GSAP: variants seen among roughly 807,000 people sequenced by gnomAD.
The protein encoded by GSAP is gamma-secretase-activating protein.
In GSAP, 118 loss-of-function variants were observed where a neutral mutation model predicts 131.7. The observed-to-expected ratio is 0.90, with a 90% CI of 0.77 to 1.04. GSAP has a LOEUF of 1.04. Ranked by LOEUF, GSAP falls within the 50% of genes least tolerant of loss-of-function variation. GSAP has a pLI of 0.00. For synonymous variants in GSAP, 381 were observed against 363.4 expected (o/e 1.05, Z -0.55); for missense variants, 1,019 against 1,013.2 (o/e 1.01, Z -0.08).
chr7:77,407,067 G>A (rs939276149), intron 1 of GSAP, among the ~76,000 whole-genome samples: 2 of 152,120 alleles, frequency 1.3e-5, no homozygotes, highest in Non-Finnish European at 1.5e-5. Flanking sequence ...GGGACTACAG[G>A]GCATTGACCA....
At chr7:77,358,095 C>G (rs1794016188) in intron 14 of GSAP, among the ~76,000 whole-genome samples, 1 of 152,142 alleles carries the variant, frequency 6.6e-6, no homozygotes, top group Admixed American at 6.5e-5. Flanking sequence ...AATCCCAGCA[C>G]TTTGGGAGGC....
At chr7:77,415,889 C>A in intron 1 of GSAP, 1 of 275,138 alleles carries the variant, frequency 3.6e-6, no homozygotes, top group Non-Finnish European at 6.9e-6. Context: ...TGAGCACGAC[C>A]CTCTGCCCTC....
intron 13 of GSAP, among the ~76,000 whole-genome samples, chr7:77,362,019 C>T (rs1468401562): frequency 2.0e-5 from 3 of 152,238 alleles, no homozygotes; most frequent in South Asian, 4.2e-4. Flanking sequence ...TGGATAAATA[C>T]CTTCCTTAGG....
chr7:77,396,974 T>A lies in GSAP; in HGVS notation c.367+8A>T. On this transcript the variant is annotated splice_region_variant and intron_variant, in intron 5 of 30. Transcript: ENST00000257626. ...ACCCATAGGTACTAAAAAGTGTAAT[T>A]TCATTACCTGGTTGAAGTTCGTTCC... The A allele has an allele frequency of 6.4e-7, 1 of 1,561,744 alleles. No individual in the cohort carries two copies. Among genetic ancestry groups the A allele is most frequent in the Non-Finnish European group, 8.8e-7 (1 of 1,136,548 alleles).
rs761461146 is a variant in GSAP at position 77,355,538 on chromosome 7, A to G, written c.1120+17T>C. On this transcript the variant is annotated intron_variant, in intron 15 of 30. Coordinates refer to ENST00000257626, the MANE Select transcript of GSAP (RefSeq NM_017439.4). ...CTCAAATGGGCCACCTCTACAAGAG[A>G]AAAACTATAGCCGTACCTGTCAGAA... 3 of 1,586,044 alleles carry G rather than the reference A, an allele frequency of 1.9e-6. No individual in the cohort carries two copies. In the Admixed American group the frequency reaches 5.0e-5, roughly 27 times the overall value.
chr7:77,371,867 T>C (rs1486866333), intron 12 of GSAP, among the ~76,000 whole-genome samples: 5 of 152,202 alleles, frequency 3.3e-5, no homozygotes, highest in African/African-American at 4.8e-5. Flanking sequence ...AAGCTGAGAA[T>C]AGAATAGTCA....
intron 26 of GSAP, chr7:77,316,141 T>C (rs1794942832): frequency 6.6e-6 from 1 of 152,186 alleles, no homozygotes; most frequent in Admixed American, 6.5e-5. Flanking sequence ...GAGTAATAAT[T>C]TGCTACAGAA....
chr7:77,317,181 A>G (rs1317847662), intron 26 of GSAP, among the ~76,000 whole-genome samples: 2 of 152,208 alleles, frequency 1.3e-5, no homozygotes, highest in Non-Finnish European at 2.9e-5. Context: ...AGAGCATGGA[A>G]TACTATGCAG....
intron 19 of GSAP, among the ~76,000 whole-genome samples, chr7:77,336,387 T>G (rs1244346924): frequency 2.6e-5 from 4 of 152,202 alleles, no homozygotes; most frequent in Non-Finnish European, 5.9e-5. Context: ...TCCTCCATCC[T>G]GGGTCTGTTC....
intron 1 of GSAP, among the ~76,000 whole-genome samples, chr7:77,414,395 T>C: frequency 6.6e-6 from 1 of 152,240 alleles, no homozygotes; most frequent in East Asian, 1.9e-4. Context: ...GGGGGTATTT[T>C]TGAGCTACCA....
intron 1 of GSAP, among the ~76,000 whole-genome samples, 161 bp from the exon 2 acceptor site, chr7:77,406,266 A>G (rs1802252247): frequency 1.3e-5 from 2 of 152,228 alleles, no homozygotes; most frequent in African/African-American, 2.4e-5. Context: ...AAGTACAAAC[A>G]GTAGTAACCT....
At chr7:77,367,116 G>C (rs1795439586) in intron 12 of GSAP, among the ~76,000 whole-genome samples, 1 of 152,200 alleles carries the variant, frequency 6.6e-6, no homozygotes, top group Non-Finnish European at 1.5e-5. Flanking sequence ...AGTTGAAGGA[G>C]CTTTTGGGCT....
In GSAP at chr7:77,351,493, G is replaced by A. The variant is rs537249780; in HGVS notation, c.1491+1451C>T. 13 of 976,438 alleles carry A rather than the reference G, an allele frequency of 1.3e-5. No individual in the cohort carries two copies. In the South Asian group the frequency reaches 6.1e-4, roughly 46 times the overall value. The allele number at this position is 976,438 out of a possible 1,614,324, so 60.5% of individuals were successfully genotyped here. On this transcript the variant is annotated intron_variant, in intron 18 of 30. Transcript: ENST00000257626. ...TGCATCACAGCTAATGATAAGCATA[G>A]ACTGATAGATTTTCAAGATTAGAAG...
rs117039218 is a variant in GSAP, at chr7:77,386,094, C to T, written c.456+1266G>A. ...GGGAGTTGATCATAATCCTGAAAGACACAATCCCAAATGCCATAATCCTAA... is the reference window on the plus strand; with the variant it reads ...GGGAGTTGATCATAATCCTGAAAGATACAATCCCAAATGCCATAATCCTAA... On this transcript the variant is annotated intron_variant, in intron 6 of 30. Coordinates refer to ENST00000257626, the MANE Select transcript of GSAP (RefSeq NM_017439.4). Among the ~76,000 whole-genome samples, 186 of 152,190 alleles carry T rather than the reference C, an allele frequency of 1.2e-3. 2 individuals carry two copies. In the East Asian group the frequency reaches 0.033, roughly 27 times the overall value.
intron 12 of GSAP, among the ~76,000 whole-genome samples, chr7:77,365,912 T>TG (rs1192274778): frequency 2.0e-5 from 3 of 150,720 alleles, no homozygotes; most frequent in African/African-American, 7.3e-5. Flanking sequence ...TTTTTTTTTT[T>TG]TTTTTTTTTT....
At chr7:77,410,228 C>A (rs1803032454) in intron 1 of GSAP, among the ~76,000 whole-genome samples, 2 of 151,996 alleles carry the variant, frequency 1.3e-5, no homozygotes, top group South Asian at 4.2e-4. Flanking sequence ...GGCTGAATAC[C>A]CTGCAGTTAA....
intron 19 of GSAP, among the ~76,000 whole-genome samples, 156 bp downstream of exon 19, chr7:77,349,195 C>CA (rs1303779446): frequency 6.6e-6 from 1 of 152,204 alleles, no homozygotes; most frequent in Admixed American, 6.5e-5. Context: ...AGTGATCACT[C>CA]ACCCATGTAG....
chr7:77,410,763 A>G (rs1016275974), intron 1 of GSAP, among the ~76,000 whole-genome samples: 10 of 152,214 alleles, frequency 6.6e-5, no homozygotes, highest in African/African-American at 2.4e-4. Context: ...TGAGACAAAA[A>G]TTAAAGTATT....
At chr7:77,311,487 A>C (rs1794346937) in intron 30 of GSAP, 38 bp from the exon 31 acceptor site, 3 of 1,021,416 alleles carry the variant, frequency 2.9e-6, no homozygotes, top group Non-Finnish European at 4.6e-6. Context: ...AAAAAGGGTT[A>C]CCATGGGTCC....
Sources: gnomAD v4.1 joint callset for allele counts (sites outside exome capture counted in the v4.1 genomes callset) on GRCh38, gnomAD v4.1.1 for gene constraint, MANE v1.5 for transcripts, NCBI Gene and HGNC (gene_info 2026-07-23, HGNC 2026-07-21) for gene names.